The following EPG5 variants were observed in gnomAD, a reference collection of about 807,000 sequenced individuals.
EPG5 encodes the protein ectopic P-granules 5 autophagy tethering factor, also known as ectopic P granules protein 5 homolog.
EPG5 carries 159 observed loss-of-function variants against 302.7 expected under a neutral mutation model. The ratio of observed to expected loss-of-function variants is 0.53; its 90% CI spans 0.46 to 0.60. The LOEUF is 0.60. Ranked by LOEUF, EPG5 falls within the 20% of genes least tolerant of loss-of-function variation. EPG5 has a pLI of 0.00. For missense variants in EPG5, 2,896 were observed against 3,092.4 expected (o/e 0.94, Z 1.51); for synonymous variants, 1,158 against 1,136.8 (o/e 1.02, Z -0.37).
intron 14 of EPG5, among the ~76,000 whole-genome samples, chr18:45,925,378 C>G (rs1477104662): frequency 6.6e-6 from 1 of 152,160 alleles, no homozygotes; most frequent in African/African-American, 2.4e-5. Flanking sequence ...GAGGCTGATG[C>G]AGGAGAATTG....
At chr18:45,815,353 T>G in the EPG5 span, among the ~76,000 whole-genome samples, 1 of 152,096 alleles carries the variant, frequency 6.6e-6, no homozygotes, top group African/African-American at 2.4e-5. Context: ...TAAACTTTTT[T>G]CTCATTAGAA....
intron 15 of EPG5, 73 bp downstream of exon 15, chr18:45,923,195 T>C (rs1056467212): frequency 9.2e-6 from 14 of 1,524,526 alleles, no homozygotes; most frequent in Admixed American, 1.8e-5. Flanking sequence ...ATAGTATAAG[T>C]CTATCATCTT....
intron 29 of EPG5, among the ~76,000 whole-genome samples, chr18:45,885,180 A>C (rs1204294168): frequency 6.6e-6 from 1 of 152,098 alleles, no homozygotes; most frequent in African/African-American, 2.4e-5. Flanking sequence ...CTCTACTAAA[A>C]ATACAAAAAT....
At chr18:45,819,465 G>A in the EPG5 span, among the ~76,000 whole-genome samples, 1 of 152,308 alleles carries the variant, frequency 6.6e-6, no homozygotes, top group Non-Finnish European at 1.5e-5. Context: ...GAAGTTCAAG[G>A]CCAGAAAGGA....
In EPG5 at chr18:45,901,162, C is replaced by T. The variant is rs771727510; in HGVS notation, c.4480G>A (p.Glu1494Lys). 23 of 1,613,816 alleles carry T rather than the reference C, an allele frequency of 1.4e-5. 1 individual carries two copies. The South Asian group carries it at 2.3e-4, about 16-fold the overall frequency. Residue 1494 changes from glutamate to lysine, a missense_variant, in exon 26 of 44, where the codon GAA becomes AAA. Transcript: ENST00000282041. Reference sequence around the variant, plus strand: ...TTCCGCAAGTTACTTAAAACCCTTTCTTTAGCTGAAAGAAAATTAAGTCAT... The same window carrying T: ...TTCCGCAAGTTACTTAAAACCCTTTTTTTAGCTGAAAGAAAATTAAGTCAT... ...LDFTDPLLAKERVLSNLRKHE... is the reference protein window; with the variant it reads ...LDFTDPLLAKKRVLSNLRKHE...
At chr18:45,927,843 G>C (rs1568162760) in intron 13 of EPG5, among the ~76,000 whole-genome samples, 1 of 152,038 alleles carries the variant, frequency 6.6e-6, no homozygotes, top group African/African-American at 2.4e-5. Context: ...TCTATGAAAG[G>C]TGCTTAGGAC....
intron 31 of EPG5, among the ~76,000 whole-genome samples, chr18:45,880,510 C>T (rs1862119855): frequency 6.6e-6 from 1 of 152,118 alleles, no homozygotes; most frequent in Admixed American, 6.6e-5. Context: ...CCCTCCGACC[C>T]TGACTGGGGA....
At chr18:45,950,169 C>G (rs997789982) in intron 4 of EPG5, among the ~76,000 whole-genome samples, 1 of 152,186 alleles carries the variant, frequency 6.6e-6, no homozygotes. Context: ...GATACTTTAT[C>G]TAAAATGCAC....
intron 16 of EPG5, among the ~76,000 whole-genome samples, chr18:45,918,759 A>G (rs748372022): frequency 3.9e-4 from 59 of 152,314 alleles, no homozygotes; most frequent in Admixed American, 1.3e-3. Context: ...TAAAGATACT[A>G]GGGAATAAGA....
the EPG5 span, among the ~76,000 whole-genome samples, chr18:45,818,109 G>A: frequency 6.6e-6 from 1 of 151,948 alleles, no homozygotes; most frequent in Non-Finnish European, 1.5e-5. Context: ...TCCTAAATCA[G>A]CACATACATA....
In EPG5 at chr18:45,954,850, G is replaced by C. The variant is rs1599649645; in HGVS notation, c.552C>G (p.Gly184=). 1.9e-6 allele frequency: 3 copies of C among 1,614,060 alleles called. No individual in the cohort carries two copies. The highest frequency in any genetic ancestry group is 3.3e-5 in the Admixed American group (2 of 60,000). Residue 184 remains glycine (G), a synonymous_variant, in exon 2 of 44, where the codon GGC becomes GGG. Coordinates refer to ENST00000282041, the MANE Select transcript of EPG5 (RefSeq NM_020964.3). ...ETQNSKEDKQ[G]LVCSSEVPQN... ...GTGGCACCTCTGAAGAACAAACCAG[G>C]CCTTGTTTGTCTTCTTTACTATTCT...
At position 45,903,970 on chromosome 18, in the gene EPG5, C is replaced by T; in HGVS notation, c.4474+3G>A. The T allele has an allele frequency of 6.2e-7, 1 of 1,604,710 alleles. No individual in the cohort carries two copies. The highest frequency in any genetic ancestry group is 1.1e-5 in the South Asian group (1 of 89,278). Reference sequence around the variant, plus strand: ...CGAAGGGGCAGGTGCTCCCAGGACCCACCCAGCAAAGGATCAGTGAAGTCC... The same window carrying T: ...CGAAGGGGCAGGTGCTCCCAGGACCTACCCAGCAAAGGATCAGTGAAGTCC... On this transcript the variant is annotated splice_donor_region_variant and intron_variant, in intron 25 of 43. Transcript: ENST00000282041.
At chr18:45,933,341 A>G (rs1206111800) in intron 11 of EPG5, among the ~76,000 whole-genome samples, 1 of 152,236 alleles carries the variant, frequency 6.6e-6, no homozygotes, top group Non-Finnish European at 1.5e-5. Flanking sequence ...GCAGAGCCCC[A>G]TAAAAGAAAA....
At chr18:45,907,763 G>A in intron 24 of EPG5, 195 bp downstream of exon 24, 1 of 474,850 alleles carries the variant, frequency 2.1e-6, no homozygotes, top group Non-Finnish European at 3.5e-6. Context: ...AGAAGGCACG[G>A]TGGGGCTGGA....
intron 23 of EPG5, among the ~76,000 whole-genome samples, chr18:45,909,665 A>G (rs973769126): frequency 1.3e-5 from 2 of 152,212 alleles, no homozygotes. Context: ...GGAGGCAAAT[A>G]TTGTACCCTG....
chr18:45,886,453 C>T (rs1463161445), intron 29 of EPG5, among the ~76,000 whole-genome samples: 2 of 152,112 alleles, frequency 1.3e-5, no homozygotes, highest in African/African-American at 4.8e-5. Flanking sequence ...ATAGCATGAG[C>T]CCATTTTAAG....
chr18:45,837,106 T>C, the EPG5 span: 1 of 1,612,664 alleles, frequency 6.2e-7, no homozygotes, highest in Non-Finnish European at 8.5e-7. Context: ...CTTTTATTAT[T>C]ATCACCATCT....
At chr18:45,804,817 C>T in the EPG5 span, among the ~76,000 whole-genome samples, 1 of 152,062 alleles carries the variant, frequency 6.6e-6, no homozygotes, top group Non-Finnish European at 1.5e-5. Flanking sequence ...ATAGAAAAAA[C>T]TGCTTTTCCA....
At chr18:45,822,371 G>T in the EPG5 span, among the ~76,000 whole-genome samples, 1 of 152,170 alleles carries the variant, frequency 6.6e-6, no homozygotes, top group African/African-American at 2.4e-5. Context: ...AAGTAGAACA[G>T]AGGATACCAG....
Sources: allele counts gnomAD v4.1 joint callset (sites outside exome capture counted in the v4.1 genomes callset), GRCh38; gene constraint gnomAD v4.1.1; transcripts MANE v1.5; gene names NCBI Gene and HGNC (gene_info 2026-07-23, HGNC 2026-07-21).